CYP24A1: variants seen among roughly 807,000 people sequenced by gnomAD.
CYP24A1 encodes 1,25-dihydroxyvitamin D(3) 24-hydroxylase, mitochondrial.
A neutral mutation model predicts 62.4 loss-of-function variants in CYP24A1; 68 were observed. The ratio of observed to expected loss-of-function variants is 1.09; its 90% CI spans 0.90 to 1.33. CYP24A1 has a LOEUF of 1.33. CYP24A1 is among the 40% of genes most tolerant of loss of function. CYP24A1 has a pLI of 0.00. For synonymous variants in CYP24A1, 267 were observed against 253.0 expected (o/e 1.06, Z -0.52); for missense variants, 787 against 653.0 (o/e 1.21, Z -2.24).
At chr20:54,150,419 C>T (rs915221147), downstream of CYP24A1, among the ~76,000 whole-genome samples, 92 of 132,476 alleles carry the variant, frequency 6.9e-4, no homozygotes, top group African/African-American at 2.7e-3. Flanking sequence ...CTGTAACCTC[C>T]GCCCCCCAGG....
In CYP24A1 at chr20:54,169,635, G is replaced by A. The variant is rs114709484; in HGVS notation, c.597C>T (p.His199=). Residue 199 remains histidine, a synonymous_variant, in exon 4 of 12, where the codon CAC becomes CAT. Coordinates refer to ENST00000216862, the MANE Select transcript of CYP24A1 (RefSeq NM_000782.5). ...TCAGTTCGCTGTACAAGTCTTCAAC[G>A]TGGCCTCTTTCATCACAGAGCTCAT... ...RIDELCDERG[H]VEDLYSELNK... is the part of the protein sequence containing the mutation. The A allele has an allele frequency of 9.9e-6, 16 of 1,614,132 alleles. No homozygotes were observed. The highest frequency in any genetic ancestry group is 9.3e-5 in the African/African-American group (7 of 75,016).
downstream of CYP24A1, among the ~76,000 whole-genome samples, chr20:54,149,512 G>C (rs2092609353): frequency 6.6e-6 from 1 of 151,876 alleles, no homozygotes; most frequent in African/African-American, 2.4e-5. Flanking sequence ...TTTTGAGAGA[G>C]AGGAAGGGAA....
rs1471163292 is a variant in CYP24A1, at chr20:54,173,000, G to T, written c.358C>A (p.Arg120Ser). 1.2e-6 allele frequency: 2 copies of T among 1,611,960 alleles called. No individual in the cohort carries two copies. Among genetic ancestry groups the T allele is most frequent in the Non-Finnish European group, 1.7e-6 (2 of 1,180,050 alleles). Reference sequence around the variant, plus strand: ...CGCTGCGGGTACGCGCTCTCGGTGCGGTACAGCGCTTCCAGCAGGCATGGC... The same window carrying T: ...CGCTGCGGGTACGCGCTCTCGGTGCTGTACAGCGCTTCCAGCAGGCATGGC... ...GSPCLLEALY[R>S]TESAYPQRLE... Residue 120 changes from arginine (R) to serine (S), a missense_variant, in exon 2 of 12, where the codon CGC becomes AGC. Transcript: ENST00000216862.
rs776333239 is a variant in CYP24A1, at chr20:54,164,515, T to C, written c.781A>G (p.Lys261Glu). 5 of 1,614,180 alleles carry C rather than the reference T, an allele frequency of 3.1e-6. No individual in the cohort carries two copies. Among genetic ancestry groups the C allele is most frequent in the Non-Finnish European group, 2.5e-6 (3 of 1,180,010 alleles). The change falls in exon 6 of 12, where the codon AAG becomes GAG. Residue 261 changes from lysine (K) to glutamate (E), a missense_variant. Coordinates refer to ENST00000216862, the MANE Select transcript of CYP24A1 (RefSeq NM_000782.5). ...TGCCAGACCTTGGTGTTGAGGCTCT[T>C]GTGCAGCTCGACTGGAGTGACCATC... ...RMMVTPVELH[K>E]SLNTKVWQDH...
intron 8 of CYP24A1, 60 bp from the exon 9 acceptor site, chr20:54,158,224 C>T: frequency 1.2e-6 from 2 of 1,607,160 alleles, no homozygotes; most frequent in Non-Finnish European, 1.7e-6. Flanking sequence ...TCTGAAGTGT[C>T]AATGGGAATG....
At chr20:54,149,630 G>A (rs2092609598), downstream of CYP24A1, among the ~76,000 whole-genome samples, 1 of 152,174 alleles carries the variant, frequency 6.6e-6, no homozygotes, top group African/African-American at 2.4e-5. Flanking sequence ...TGCTCCCCCG[G>A]AGAGTAGGAA....
At chr20:54,164,995 TA>T (rs1378357873) in intron 5 of CYP24A1, among the ~76,000 whole-genome samples, 1 of 152,268 alleles carries the variant, frequency 6.6e-6, no homozygotes, top group African/African-American at 2.4e-5. Context: ...GGGCTCTTTT[TA>T]AAAAGTATTT....
chr20:54,171,524 C>T, intron 3 of CYP24A1, 53 bp downstream of exon 3: 1 of 1,613,476 alleles, frequency 6.2e-7, no homozygotes, highest in East Asian at 2.2e-5. Context: ...GAAGCTCCAC[C>T]AATATCCCTA....
chr20:54,172,698 T>C, intron 2 of CYP24A1: 1 of 1,169,156 alleles, frequency 8.6e-7, no homozygotes, highest in Non-Finnish European at 1.2e-6. Context: ...AGAACGCAGG[T>C]GCTGGGTGCA....
chr20:54,173,896 G>A lies in CYP24A1; in HGVS notation c.-317C>T. The A allele has an allele frequency of 2.2e-6, 1 of 464,662 alleles. No homozygotes were observed. The highest frequency in any genetic ancestry group is 3.9e-6 in the Non-Finnish European group (1 of 255,170). 28.8% of individuals were successfully genotyped at this position (464,662 alleles called of 1,614,324 possible). On this transcript the variant is annotated 5_prime_UTR_variant, in exon 1 of 12. An upstream open reading frame in the 5' UTR gains an earlier in-frame stop. Transcript: ENST00000216862. The surrounding 1 kb of genome is among the most constrained non-coding windows in gnomAD (Gnocchi z 7.2). ...AGTCCTCCTGTTGGTCCGCAAGGCT[G>A]ACCTCTAGGGTCTGGCTGGAGCCAC...
At chr20:54,168,877 T>TCCTC (rs1392471551) in intron 4 of CYP24A1, among the ~76,000 whole-genome samples, 2 of 109,686 alleles carry the variant, frequency 1.8e-5, no homozygotes, top group East Asian at 6.1e-4. Flanking sequence ...CTTCCTTCCT[T>TCCTC]CCTTCCTTCC....
At position 54,157,222 on chromosome 20, in the gene CYP24A1, A is replaced by G; in HGVS notation, c.1502T>C (p.Leu501Pro). The change falls in exon 11 of 12, where the codon CTG becomes CCG. Residue 501 changes from leucine to proline, a missense_variant. By Grantham distance (98) the Leu-to-Pro change is moderately conservative. Transcript: ENST00000216862. ...EPVEMLHSGT[L>P]VPSRELPIAF... Reference sequence around the variant, plus strand: ...GATGGGGAGTTCCCGGCTGGGCACCAGGGTGCCTGAGTGTAGCATCTCAAC... The same window carrying G: ...GATGGGGAGTTCCCGGCTGGGCACCGGGGTGCCTGAGTGTAGCATCTCAAC... The G allele has an allele frequency of 6.2e-7, 1 of 1,613,152 alleles. No homozygotes were observed. Among genetic ancestry groups the G allele is most frequent in the Non-Finnish European group, 8.5e-7 (1 of 1,179,178 alleles).
chr20:54,165,704 TC>T, intron 5 of CYP24A1, 37 bp downstream of exon 5: 1 of 984,364 alleles, frequency 1.0e-6, no homozygotes, highest in Non-Finnish European at 1.7e-6. Context: ...CTGTAAAACA[TC>T]AATCAAGAAA....
At chr20:54,145,171 C>T in the CYP24A1 span, among the ~76,000 whole-genome samples, 1 of 151,640 alleles carries the variant, frequency 6.6e-6, no homozygotes, top group Non-Finnish European at 1.5e-5. Context: ...CTCTTAAAGT[C>T]TTAATATGAA....
intron 4 of CYP24A1, among the ~76,000 whole-genome samples, chr20:54,169,140 C>T (rs913795926): frequency 1.3e-5 from 2 of 152,048 alleles, no homozygotes; most frequent in Admixed American, 6.6e-5. Context: ...TGGCCTCAAG[C>T]GATCTGCCCA....
intron 7 of CYP24A1, 131 bp downstream of exon 7, chr20:54,162,586 C>CCGTGGTATAGATGCTG (rs1378368301): frequency 2.1e-5 from 16 of 747,222 alleles, no homozygotes; most frequent in Admixed American, 5.7e-5. Flanking sequence ...TAGTATGAGA[C>CCGTGGTATAGATGCTG]TTTTCATTTT....
At chr20:54,159,597 G>A (rs910124172) in intron 7 of CYP24A1, among the ~76,000 whole-genome samples, 2 of 152,126 alleles carry the variant, frequency 1.3e-5, no homozygotes, top group Non-Finnish European at 2.9e-5. Flanking sequence ...GTTTCACCAT[G>A]TTGGCTAGGC....
chr20:54,159,399 T>TTTG (rs1193548085), intron 7 of CYP24A1, among the ~76,000 whole-genome samples: 2 of 149,470 alleles, frequency 1.3e-5, no homozygotes, highest in African/African-American at 2.5e-5. Flanking sequence ...TAAATACAGT[T>TTTG]TTTTTTTTTT....
chr20:54,171,287 G>A (rs1370136142), intron 3 of CYP24A1, among the ~76,000 whole-genome samples: 9 of 152,168 alleles, frequency 5.9e-5, no homozygotes, highest in Admixed American at 5.9e-4. Context: ...AGGTCTCATA[G>A]CCAGGGAGTG....
Sources: allele counts gnomAD v4.1 joint callset (sites outside exome capture counted in the v4.1 genomes callset), GRCh38; gene constraint gnomAD v4.1.1; non-coding constraint Gnocchi (gnomAD v3.1); transcripts MANE v1.5; gene names NCBI Gene and HGNC (gene_info 2026-07-23, HGNC 2026-07-21).